Variants in ADGRL4 observed in about 807,000 individuals in gnomAD.
The protein encoded by ADGRL4 is EGF, latrophilin and seven transmembrane domain containing 1.
In ADGRL4, 90 loss-of-function variants were observed where a neutral mutation model predicts 74.8. The observed-to-expected ratio is 1.20, with a 90% confidence interval of 1.02 to 1.43. The LOEUF (loss-of-function observed/expected upper bound fraction) is 1.43. ADGRL4 is among the 40% of genes most tolerant of loss of function. ADGRL4 has a pLI of 0.00. For missense variants in ADGRL4, 881 were observed against 814.3 expected, an observed-to-expected ratio of 1.08 and a Z score of -1.00; for synonymous variants, 311 against 279.2, an observed-to-expected ratio of 1.11 and a Z score of -1.14.
chr1:78,907,847 A>G (rs1648678911), intron 12 of ADGRL4, among the ~76,000 whole-genome samples: 1 of 151,990 alleles, frequency 6.6e-6, no homozygotes. Context: ...AGGGTCTAGA[A>G]CATGCACTTC....
At chr1:78,984,355 T>G (rs926492955) in intron 2 of ADGRL4, among the ~76,000 whole-genome samples, 2 of 151,778 alleles carry the variant, frequency 1.3e-5, no homozygotes, top group African/African-American at 2.4e-5. Flanking sequence ...TTGGATTTAT[T>G]TAGTTAATTA....
At chr1:78,991,621 AC>A (rs1650608975) in intron 2 of ADGRL4, among the ~76,000 whole-genome samples, 1 of 151,990 alleles carries the variant, frequency 6.6e-6, no homozygotes, top group Non-Finnish European at 1.5e-5. Context: ...AATAAATATA[AC>A]CTTTGAAATA....
At chr1:79,003,720 A>T (rs1650889734) in intron 2 of ADGRL4, among the ~76,000 whole-genome samples, 1 of 152,060 alleles carries the variant, frequency 6.6e-6, no homozygotes, top group African/African-American at 2.4e-5. Context: ...TATCTAAATA[A>T]CAAAAAGGTA....
intron 2 of ADGRL4, among the ~76,000 whole-genome samples, chr1:78,946,918 C>T (rs938153519): frequency 1.2e-4 from 18 of 152,108 alleles, no homozygotes; most frequent in Admixed American, 1.3e-4. Flanking sequence ...TTCATTAATG[C>T]ATTTATTTAC....
intron 3 of ADGRL4, among the ~76,000 whole-genome samples, chr1:78,944,401 A>G (rs61665004): frequency 0.013 from 1,960 of 152,330 alleles, 44 homozygotes; most frequent in African/African-American, 0.045. Flanking sequence ...AAGACTAGTA[A>G]CAAGAATATA....
chr1:78,959,524 G>T (rs547117520), intron 2 of ADGRL4, among the ~76,000 whole-genome samples: 47 of 152,240 alleles, frequency 3.1e-4, no homozygotes, highest in African/African-American at 1.1e-3. Flanking sequence ...AACATCTTCA[G>T]TTAGTCATGT....
At chr1:78,977,416 AACTC>A (rs1650307432) in intron 2 of ADGRL4, among the ~76,000 whole-genome samples, 1 of 151,858 alleles carries the variant, frequency 6.6e-6, no homozygotes, top group Non-Finnish European at 1.5e-5. Context: ...AAATTTATGA[AACTC>A]AGAGTGTGCA....
Position 78,946,267 on chromosome 1 carries a change from A to C in ADGRL4, c.325+7T>G. Reference sequence around the variant, plus strand: ...ATACAAATTCTAACTTAGATAACCGAACTTACCTATACAGACGGTTCCATC... The same window carrying C: ...ATACAAATTCTAACTTAGATAACCGCACTTACCTATACAGACGGTTCCATC... On this transcript the variant is annotated splice_region_variant and intron_variant, in intron 3 of 14. Coordinates refer to ENST00000370742, the MANE Select transcript of ADGRL4 (RefSeq NM_022159.4). The C allele has an allele frequency of 1.9e-6, 3 of 1,594,882 alleles. No homozygotes were observed. The East Asian group carries it at 6.8e-5, about 36-fold the overall frequency.
chr1:78,980,242 C>T (rs1176231315), intron 2 of ADGRL4, among the ~76,000 whole-genome samples: 1 of 151,770 alleles, frequency 6.6e-6, no homozygotes, highest in Non-Finnish European at 1.5e-5. Flanking sequence ...TGTGCTACGT[C>T]TTCTCAATGC....
chr1:78,947,039 A>G (rs1649615080), intron 2 of ADGRL4, among the ~76,000 whole-genome samples: 1 of 152,226 alleles, frequency 6.6e-6, no homozygotes, highest in African/African-American at 2.4e-5. Context: ...CAGGGAAGAT[A>G]AAGGTTCATA....
intron 2 of ADGRL4, among the ~76,000 whole-genome samples, chr1:78,976,586 A>G (rs1214596428): frequency 6.6e-6 from 1 of 151,792 alleles, no homozygotes; most frequent in Non-Finnish European, 1.5e-5. Context: ...ATGTTAAATA[A>G]TTATATATAC....
intron 2 of ADGRL4, among the ~76,000 whole-genome samples, chr1:78,948,318 G>C (rs991416352): frequency 6.6e-6 from 1 of 152,110 alleles, no homozygotes; most frequent in Non-Finnish European, 1.5e-5. Flanking sequence ...TAGACCAGGT[G>C]GGTAATGTAA....
intron 2 of ADGRL4, among the ~76,000 whole-genome samples, chr1:78,996,092 T>C (rs1033882154): frequency 6.6e-5 from 10 of 152,186 alleles, no homozygotes; most frequent in African/African-American, 2.4e-4. Flanking sequence ...TACTTTAGAC[T>C]AGAATTTGTC....
intron 12 of ADGRL4, among the ~76,000 whole-genome samples, chr1:78,915,717 TCTTTGA>T (rs1178352604): frequency 1.3e-5 from 2 of 151,846 alleles, no homozygotes; most frequent in African/African-American, 4.8e-5. Context: ...GTTCAATATC[TCTTTGA>T]CTTTATCTTT....
chr1:78,906,470 C>G (rs1429488347), intron 12 of ADGRL4, among the ~76,000 whole-genome samples: 1 of 151,798 alleles, frequency 6.6e-6, no homozygotes, highest in Non-Finnish European at 1.5e-5. Context: ...AGTAAGTGAG[C>G]TACATGGGTT....
chr1:78,924,897 C>T (rs1355219396), intron 8 of ADGRL4, among the ~76,000 whole-genome samples: 1 of 152,094 alleles, frequency 6.6e-6, no homozygotes, highest in Non-Finnish European at 1.5e-5. Context: ...AAATCTGAGT[C>T]TTCCATAGAT....
At chr1:78,985,906 G>A (rs904996497) in intron 2 of ADGRL4, among the ~76,000 whole-genome samples, 2 of 151,686 alleles carry the variant, frequency 1.3e-5, no homozygotes, top group African/African-American at 4.8e-5. Flanking sequence ...TATGCTAAGT[G>A]AACTAACACA....
At chr1:78,943,561 T>A (rs1439543051) in intron 3 of ADGRL4, among the ~76,000 whole-genome samples, 1 of 152,208 alleles carries the variant, frequency 6.6e-6, no homozygotes, top group Admixed American at 6.5e-5. Flanking sequence ...CATTTTTTAT[T>A]CATAGAGATT....
At position 78,966,816 on chromosome 1, in the gene ADGRL4, C is replaced by T. The variant is rs532618308; in HGVS notation, c.173-20390G>A. ...CTCCCAGGCATTCTTTTTTCTTTTCCACCCTATCAGTCAGCAGTTAACTTT... is the reference window on the plus strand; with the variant it reads ...CTCCCAGGCATTCTTTTTTCTTTTCTACCCTATCAGTCAGCAGTTAACTTT... On this transcript the variant is annotated intron_variant, in intron 2 of 14. Coordinates refer to ENST00000370742, the MANE Select transcript of ADGRL4 (RefSeq NM_022159.4). Among the ~76,000 whole-genome samples, 14 of 151,770 alleles carry T rather than the reference C, an allele frequency of 9.2e-5. No individual in the cohort carries two copies. In the East Asian group the frequency reaches 2.5e-3, roughly 27 times the overall value.
Sources: gnomAD v4.1 joint callset for allele counts (sites outside exome capture counted in the v4.1 genomes callset) on GRCh38, gnomAD v4.1.1 for gene constraint, MANE v1.5 for transcripts, NCBI Gene and HGNC (gene_info 2026-07-23, HGNC 2026-07-21) for gene names.